SMIM35: variants seen among roughly 807,000 people sequenced by gnomAD.
SMIM35 encodes the protein small integral membrane protein 35.
intron 3 of SMIM35, among the ~76,000 whole-genome samples, chr11:118,014,117 C>T (rs540606824): frequency 1.3e-5 from 2 of 152,306 alleles, no homozygotes; most frequent in Admixed American, 1.3e-4. Context: ...CCCTGATTTT[C>T]TGATATGCTC....
intron 1 of SMIM35, among the ~76,000 whole-genome samples, chr11:118,038,196 G>T (rs1004558788): frequency 6.6e-6 from 1 of 152,208 alleles, no homozygotes; most frequent in African/African-American, 2.4e-5. Flanking sequence ...GAGGCCGAGG[G>T]GGCAGGCTTC....
chr11:118,020,541 G>T (rs929213557), intron 1 of SMIM35, among the ~76,000 whole-genome samples: 2 of 152,100 alleles, frequency 1.3e-5, no homozygotes, highest in Non-Finnish European at 2.9e-5. Context: ...TTTATTTTGG[G>T]TCATCTTTTA....
At chr11:118,039,374 C>A (rs1943963385) in intron 1 of SMIM35, among the ~76,000 whole-genome samples, 3 of 152,106 alleles carry the variant, frequency 2.0e-5, no homozygotes, top group African/African-American at 7.2e-5. Flanking sequence ...ATTTCCCTGG[C>A]CCAGGAGTTC....
intron 1 of SMIM35, chr11:118,025,406 C>T (rs963030570): frequency 1.5e-5 from 6 of 407,022 alleles, no homozygotes; most frequent in African/African-American, 1.2e-4. Context: ...ACATTTCGAC[C>T]AACAGTGTGT....
At chr11:118,010,285 C>T (rs982665215) in intron 4 of SMIM35, among the ~76,000 whole-genome samples, 1 of 152,208 alleles carries the variant, frequency 6.6e-6, no homozygotes, top group African/African-American at 2.4e-5. Flanking sequence ...CACTGCCCTC[C>T]TGGCTCCTGG....
At chr11:118,066,780 C>T (rs1430227611) in intron 1 of SMIM35, among the ~76,000 whole-genome samples, 1 of 151,636 alleles carries the variant, frequency 6.6e-6, no homozygotes, top group African/African-American at 2.4e-5. Flanking sequence ...AGTCGTGATC[C>T]TGCCACTGCA....
intron 4 of SMIM35, among the ~76,000 whole-genome samples, chr11:118,011,408 C>T (rs908129331): frequency 7.9e-5 from 12 of 152,150 alleles, no homozygotes; most frequent in African/African-American, 2.4e-4. Flanking sequence ...TTATTGGGGC[C>T]GGGCCAGGTG....
intron 1 of SMIM35, among the ~76,000 whole-genome samples, chr11:118,025,171 G>A (rs1478569473): frequency 6.6e-6 from 1 of 152,170 alleles, no homozygotes; most frequent in African/African-American, 2.4e-5. Flanking sequence ...CTCCACTGTT[G>A]ATGGGCACCT....
At chr11:118,076,933 T>G in intron 1 of SMIM35, 1 of 228,444 alleles carries the variant, frequency 4.4e-6, no homozygotes, top group Non-Finnish European at 8.6e-6. Context: ...GTGTCACCTG[T>G]TCTGAGGCCG....
chr11:118,012,942 A>G (rs2058157843), intron 4 of SMIM35, among the ~76,000 whole-genome samples: 1 of 152,228 alleles, frequency 6.6e-6, no homozygotes, highest in Admixed American at 6.5e-5. Flanking sequence ...CCTTGCCCAC[A>G]CTGGACTGCA....
intron 1 of SMIM35, among the ~76,000 whole-genome samples, chr11:118,072,803 AGGT>A (rs1290158586): frequency 6.6e-6 from 1 of 152,212 alleles, no homozygotes; most frequent in Non-Finnish European, 1.5e-5. Context: ...CTAACACAAG[AGGT>A]AGGCCTAGCA....
At chr11:118,067,913 TTTAG>T (rs1460186909) in intron 1 of SMIM35, among the ~76,000 whole-genome samples, 2 of 128,126 alleles carry the variant, frequency 1.6e-5, no homozygotes, top group Admixed American at 1.6e-4. Context: ...ATATGAAAAG[TTTAG>T]TTGTTTTCTT....
chr11:118,028,065 G>A (rs76153605), intron 1 of SMIM35, among the ~76,000 whole-genome samples: 4 of 152,290 alleles, frequency 2.6e-5, no homozygotes, highest in East Asian at 1.9e-4. Flanking sequence ...TCCCTGCTTC[G>A]CTGTCCCTCT....
chr11:118,023,491 C>T (rs1036782012), intron 1 of SMIM35, among the ~76,000 whole-genome samples: 3 of 149,730 alleles, frequency 2.0e-5, no homozygotes, highest in African/African-American at 7.4e-5. Flanking sequence ...TCTCCTAATG[C>T]TATCCCTCCA....
At chr11:118,080,347 G>T (rs920725817) in intron 1 of SMIM35, among the ~76,000 whole-genome samples, 1 of 152,192 alleles carries the variant, frequency 6.6e-6, no homozygotes, top group Admixed American at 6.5e-5. Flanking sequence ...AAGAGTGGTA[G>T]TATAGGGACA....
At chr11:118,056,353 G>A (rs1376177979) in intron 1 of SMIM35, among the ~76,000 whole-genome samples, 1 of 152,146 alleles carries the variant, frequency 6.6e-6, no homozygotes, top group African/African-American at 2.4e-5. Context: ...GCAGAACTGG[G>A]GATCAATTGG....
chr11:118,071,978 C>T (rs1302342866), intron 1 of SMIM35, among the ~76,000 whole-genome samples: 1 of 152,058 alleles, frequency 6.6e-6, no homozygotes, highest in Non-Finnish European at 1.5e-5. Flanking sequence ...GCTTGCTGCC[C>T]TCAGAAGCTC....
At chr11:118,021,046 G>GGTTTTTTTGTTTTT (rs2058224570) in intron 1 of SMIM35, among the ~76,000 whole-genome samples, 1 of 130,724 alleles carries the variant, frequency 7.6e-6, no homozygotes, top group Admixed American at 7.3e-5. Context: ...CACAGGGTAA[G>GGTTTTTTTGTTTTT]GTTTTTTTTT....
chr11:118,062,957 C>T (rs1944414561), intron 1 of SMIM35, among the ~76,000 whole-genome samples: 1 of 152,138 alleles, frequency 6.6e-6, no homozygotes, highest in African/African-American at 2.4e-5. Context: ...GGCCAAAACC[C>T]ACCAAGACCA....
Sources: allele counts gnomAD v4.1 joint callset (sites outside exome capture counted in the v4.1 genomes callset), GRCh38; gene constraint gnomAD v4.1.1; transcripts MANE v1.5; gene names NCBI Gene and HGNC (gene_info 2026-07-23, HGNC 2026-07-21).